ADGRE5: variants seen among roughly 807,000 people sequenced by gnomAD.
ADGRE5 encodes the protein adhesion G protein-coupled receptor E5, also known as CD97 molecule.
In ADGRE5, 72 loss-of-function variants were observed where a neutral mutation model predicts 100.3. That is an observed-to-expected ratio of 0.72 (90% confidence interval 0.59 to 0.87). The LOEUF (loss-of-function observed/expected upper bound fraction) is 0.87. Ranked by LOEUF, ADGRE5 falls within the 40% of genes least tolerant of loss-of-function variation. The pLI, the probability that ADGRE5 is intolerant of heterozygous loss-of-function variation, is 0.00. For synonymous variants in ADGRE5, 439 were observed against 447.8 expected (o/e 0.98, Z 0.25); for missense variants, 959 against 1,094.7 (o/e 0.88, Z 1.75).
At chr19:14,390,104 G>C (rs1975544148) in intron 3 of ADGRE5, among the ~76,000 whole-genome samples, 1 of 134,392 alleles carries the variant, frequency 7.4e-6, no homozygotes, top group Non-Finnish European at 1.6e-5. Flanking sequence ...AAGAACAAGA[G>C]AGAGAGGGAG....
At chr19:14,404,769 A>G (rs8105798) in intron 13 of ADGRE5, 13,431 of 536,092 alleles carry the variant, frequency 0.025, 1,400 homozygotes, top group African/African-American at 0.24. Flanking sequence ...GGGTGCAGCC[A>G]CTAGCTCCGC....
chr19:14,387,026 A>T (rs1460484558), intron 1 of ADGRE5, among the ~76,000 whole-genome samples: 2 of 152,098 alleles, frequency 1.3e-5, no homozygotes, highest in South Asian at 2.1e-4. Context: ...GAAAAAAAAT[A>T]AAATAAATAA....
Position 14,406,086 on chromosome 19 carries a change from G to C in ADGRE5, c.1821+147G>C. On this transcript the variant is annotated intron_variant, in intron 14 of 19. Coordinates refer to ENST00000242786, the MANE Select transcript of ADGRE5 (RefSeq NM_078481.4). This position sits in a 1 kb window ranked among gnomAD's most constrained non-coding sequence, Gnocchi z 6.0. ...TGTCCGGGATCTGGCCCCGCCCACC[G>C]GGGGGTCGGGTTGTCTCTTTAAAGG... 1.3e-6 allele frequency: 1 copy of C among 755,456 alleles called. No homozygotes were observed. Among genetic ancestry groups the C allele is most frequent in the Admixed American group, 3.0e-5 (1 of 33,708 alleles). The allele number at this position is 755,456 out of a possible 1,614,324, so 46.8% of individuals were successfully genotyped here.
Position 14,408,419 on chromosome 19 carries a change from G to A in ADGRE5, c.*298G>A. On this transcript the variant is annotated 3_prime_UTR_variant, in exon 20 of 20. Transcript: ENST00000242786. ...GCAGCATGTTGCCCTGGCACCTGTG[G>A]CCAGTACTCGGGACAGACTAAGGGC... 3.4e-6 allele frequency: 2 copies of A among 589,984 alleles called. No individual in the cohort carries two copies. Among genetic ancestry groups the A allele is most frequent in the Admixed American group, 3.0e-5 (1 of 33,742 alleles). The allele number at this position is 589,984 out of a possible 1,614,324, so 36.5% of individuals were successfully genotyped here. A position where few individuals can be genotyped will look rare whatever the true frequency, so the allele number is the denominator to read the frequency against.
intron 1 of ADGRE5, among the ~76,000 whole-genome samples, chr19:14,386,769 T>C (rs1314371519): frequency 2.7e-5 from 4 of 150,318 alleles, no homozygotes; most frequent in Non-Finnish European, 5.9e-5. Context: ...ATCCCAGCAC[T>C]TTTGGAGGCC....
intron 4 of ADGRE5, among the ~76,000 whole-genome samples, chr19:14,394,830 T>C (rs1368259131): frequency 6.6e-6 from 1 of 152,080 alleles, no homozygotes; most frequent in Admixed American, 6.6e-5. Flanking sequence ...CCAGCAGCCT[T>C]GCTTGGAGAA....
At chr19:14,393,901 C>T (rs1349157821) in intron 4 of ADGRE5, among the ~76,000 whole-genome samples, 1 of 152,164 alleles carries the variant, frequency 6.6e-6, no homozygotes, top group East Asian at 1.9e-4. Flanking sequence ...CCCCCTCTCC[C>T]GGTGGATACA....
At position 14,402,730 on chromosome 19, in the gene ADGRE5, C is replaced by A; in HGVS notation, c.1317C>A (p.Leu439=). Residue 439 remains leucine, a synonymous_variant, in exon 12 of 20, where the codon CTC becomes CTA. Transcript: ENST00000242786. ...IYESSIRGVQ[L]RRLSAVNSIF... is the part of the protein sequence containing the mutation. ...AAAGCAGCATCCGTGGTGTCCAACTCAGACGCCTCTCTGCCGTCAACTCCA... is the reference window on the plus strand; with the variant it reads ...AAAGCAGCATCCGTGGTGTCCAACTAAGACGCCTCTCTGCCGTCAACTCCA... 6.2e-7 allele frequency: 1 copy of A among 1,614,180 alleles called. No individual in the cohort carries two copies. The highest frequency in any genetic ancestry group is 8.5e-7 in the Non-Finnish European group (1 of 1,180,034).
In ADGRE5 at chr19:14,397,088, T is replaced by C. The variant is rs747059097; in HGVS notation, c.490T>C (p.Cys164Arg). The part of the protein sequence containing the change: ...DPKVCTDVNE[C>R]TSGQNPCHSS... ...GGCTTTGTCCTCAGATGTGAATGAA[T>C]GCACCTCCGGACAAAACCCGTGCCA... Residue 164 changes from cysteine (C) to arginine (R), a missense_variant, in exon 6 of 20, where the codon TGC becomes CGC. This residue lies in a region of ADGRE5 where 83 missense variants were observed against 88.8 expected (regional missense o/e 0.93). Transcript: ENST00000242786. The C allele has an allele frequency of 1.9e-6, 3 of 1,613,764 alleles. No individual in the cohort carries two copies. The highest frequency in any genetic ancestry group is 2.5e-6 in the Non-Finnish European group (3 of 1,180,010).
intron 12 of ADGRE5, 88 bp downstream of exon 12, chr19:14,402,950 T>C (rs779538927): frequency 3.2e-5 from 43 of 1,324,950 alleles, no homozygotes; most frequent in Non-Finnish European, 4.5e-5. Flanking sequence ...TTTCCCGACG[T>C]GACTCAGTCT....
At chr19:14,384,750 T>C (rs919492441) in intron 1 of ADGRE5, among the ~76,000 whole-genome samples, 2 of 151,976 alleles carry the variant, frequency 1.3e-5, no homozygotes, top group African/African-American at 4.8e-5. Flanking sequence ...TTCTGCTCTT[T>C]ATGGGCCCCT....
intron 1 of ADGRE5, among the ~76,000 whole-genome samples, chr19:14,387,411 ACT>A (rs1975396909): frequency 6.6e-6 from 1 of 152,018 alleles, no homozygotes; most frequent in East Asian, 1.9e-4. Context: ...ACAGAGCAAG[ACT>A]CTGTCTGTAA....
chr19:14,407,876 C>T (rs766793356), intron 18 of ADGRE5, 32 bp from the exon 19 acceptor site: 3 of 1,581,348 alleles, frequency 1.9e-6, no homozygotes, highest in East Asian at 4.5e-5. Context: ...CCAGGGCCTG[C>T]TCCTGCCCTG....
chr19:14,407,695 T>C (rs1157179244), intron 18 of ADGRE5, among the ~76,000 whole-genome samples: 1 of 149,832 alleles, frequency 6.7e-6, no homozygotes, highest in African/African-American at 2.5e-5. Context: ...CTCAGGAGGC[T>C]GGGGCAAGAG....
chr19:14,407,520 C>T (rs1295667004), intron 18 of ADGRE5, among the ~76,000 whole-genome samples: 2 of 151,806 alleles, frequency 1.3e-5, no homozygotes, highest in Non-Finnish European at 2.9e-5. Context: ...CATGGTGGCA[C>T]ACGCCTGTAG....
At chr19:14,391,715 T>C (rs1052583826) in intron 4 of ADGRE5, among the ~76,000 whole-genome samples, 16 of 151,720 alleles carry the variant, frequency 1.1e-4, no homozygotes, top group Non-Finnish European at 8.8e-5. Context: ...CCAGCCTGAG[T>C]GACAGAGCAA....
rs1976294464 is a variant in ADGRE5 at position 14,407,207 on chromosome 19, T to G, written c.2354T>G (p.Leu785Arg). The G allele has an allele frequency of 1.2e-6, 2 of 1,613,958 alleles. No individual in the cohort carries two copies. Among genetic ancestry groups the G allele is most frequent in the Non-Finnish European group, 1.7e-6 (2 of 1,179,970 alleles). The stretch of plus-strand genomic sequence containing the variant: ...CTGCAGGGCGCCTTCCTCTACCTGC[T>G]GCACTGCCTGCTCAACAAGAAGGTG... Reference protein sequence around the residue: ...NCLQGAFLYLLHCLLNKKVRE... With the variant: ...NCLQGAFLYLRHCLLNKKVRE... The change falls in exon 18 of 20, where the codon CTG becomes CGG. Residue 785 changes from leucine (L) to arginine (R), a missense_variant. Leu to Arg is a moderately radical substitution (Grantham distance 102). Transcript: ENST00000242786.
In ADGRE5 at chr19:14,390,961, C is replaced by T. The variant is rs201511778; in HGVS notation, c.228C>T (p.Cys76=). 63 of 1,614,048 alleles carry T rather than the reference C, an allele frequency of 3.9e-5. No homozygotes were observed. The highest frequency in any genetic ancestry group is 2.8e-4 in the African/African-American group (21 of 74,914). The change falls in exon 4 of 20, where the codon TGC becomes TGT. Residue 76 remains cysteine (C), a synonymous_variant. Coordinates refer to ENST00000242786, the MANE Select transcript of ADGRE5 (RefSeq NM_078481.4). Reference sequence around the variant, plus strand: ...GTGCAACACCGTCGAAAGTGTCATGCGGAAAATTCTCGGACTGCTGGAACA... The same window carrying T: ...GTGCAACACCGTCGAAAGTGTCATGTGGAAAATTCTCGGACTGCTGGAACA... ...NECATPSKVS[C]GKFSDCWNTE...
Position 14,406,196 on chromosome 19 carries a change from TG to T in ADGRE5, c.1822-133del. 2.6e-6 allele frequency: 2 copies of T among 770,826 alleles called. No homozygotes were observed. The highest frequency in any genetic ancestry group is 4.1e-6 in the Non-Finnish European group (2 of 493,570). 47.7% of individuals were successfully genotyped at this position (770,826 alleles called of 1,614,324 possible). ...TGGGGGTGGGCCCTGGGGGGAAACC[TG>T]GCCCCCGCTCCAGACCCGCCCACCC... On this transcript the variant is annotated intron_variant, in intron 14 of 19. Transcript: ENST00000242786. This position sits in a 1 kb window ranked among gnomAD's most constrained non-coding sequence, Gnocchi z 6.0.
Sources: allele counts gnomAD v4.1 joint callset (sites outside exome capture counted in the v4.1 genomes callset), GRCh38; gene constraint gnomAD v4.1.1; regional missense constraint gnomAD v4.1.1; non-coding constraint Gnocchi (gnomAD v3.1); transcripts MANE v1.5; gene names NCBI Gene and HGNC (gene_info 2026-07-23, HGNC 2026-07-21).